The following MPHOSPH9 variants were observed in gnomAD, a reference collection of about 807,000 sequenced individuals.
MPHOSPH9 encodes M-phase phosphoprotein 9.
A neutral mutation model predicts 145.5 loss-of-function variants in MPHOSPH9; 88 were observed. That is an observed-to-expected ratio of 0.60 (90% CI 0.51 to 0.72). MPHOSPH9 has a LOEUF of 0.72. Ranked by LOEUF, MPHOSPH9 falls within the 30% of genes least tolerant of loss-of-function variation. The pLI, the probability that MPHOSPH9 is intolerant of heterozygous loss-of-function variation, is 0.00. For synonymous variants in MPHOSPH9, 435 were observed against 486.2 expected (o/e 0.89, Z 1.39); for missense variants, 1,238 against 1,386.6 (o/e 0.89, Z 1.70).
At chr12:123,227,734 G>T in intron 2 of MPHOSPH9, 118 bp from the exon 3 acceptor site, 1 of 822,118 alleles carries the variant, frequency 1.2e-6, no homozygotes, top group Non-Finnish European at 1.7e-6. Context: ...CCTTCTAATG[G>T]CACCTCATTT....
chr12:123,178,520 A>G (rs535291388), intron 15 of MPHOSPH9, among the ~76,000 whole-genome samples: 2 of 151,634 alleles, frequency 1.3e-5, no homozygotes, highest in African/African-American at 2.4e-5. Context: ...TCTCTTTTCT[A>G]TCTTTCATTT....
rs111662560 is a variant in MPHOSPH9, at chr12:123,202,037, C to T, written c.1937+127G>A. 215 of 1,049,148 alleles carry T rather than the reference C, an allele frequency of 2.0e-4. 3 individuals carry two copies. The African/African-American group carries it at 2.8e-3, about 14-fold the overall frequency. 65.0% of individuals were successfully genotyped at this position (1,049,148 alleles called of 1,614,324 possible). ...AGAGGGGGGTTTAGCTTCAAAAATA[C>T]TTAGGCAAACATGACTGTTAAAATT... is the stretch of plus-strand genomic sequence containing the variant. On this transcript the variant is annotated intron_variant, in intron 11 of 23. Transcript: ENST00000606320.
In MPHOSPH9 at chr12:123,203,027, G is replaced by C. The variant is rs140266767; in HGVS notation, c.1378C>G (p.Gln460Glu). ...MKPKQQISGI[Q>E]PHGLPNALDD... ...AGGGCATTCGGAAGGCCGTGAGGTTGAATCCCTGAAATCTGCTGCTTTGGC... is the reference window on the plus strand; with the variant it reads ...AGGGCATTCGGAAGGCCGTGAGGTTCAATCCCTGAAATCTGCTGCTTTGGC... Residue 460 changes from glutamine to glutamate, a missense_variant, in exon 10 of 24, where the codon CAA becomes GAA. Coordinates refer to ENST00000606320, the MANE Select transcript of MPHOSPH9 (RefSeq NM_022782.4). The C allele has an allele frequency of 7.4e-6, 12 of 1,614,084 alleles. No homozygotes were observed. Among genetic ancestry groups the C allele is most frequent in the African/African-American group, 1.3e-5 (1 of 74,936 alleles).
At chr12:123,237,626 C>G (rs927147941), upstream of MPHOSPH9, among the ~76,000 whole-genome samples, 16 of 152,174 alleles carry the variant, frequency 1.1e-4, no homozygotes, top group Non-Finnish European at 2.4e-4. Flanking sequence ...ATTTCCTGCT[C>G]AATCTATTAT....
At chr12:123,181,871 C>T (rs975237208) in intron 13 of MPHOSPH9, among the ~76,000 whole-genome samples, 1 of 152,058 alleles carries the variant, frequency 6.6e-6, no homozygotes, top group Admixed American at 6.6e-5. Flanking sequence ...GGCCACAGAG[C>T]GAGACCCTGT....
chr12:123,189,145 T>C lies in MPHOSPH9; in HGVS notation c.2241+5241A>G, dbSNP rs554488477. 1.1e-4 allele frequency among the ~76,000 whole-genome samples: 17 copies of C among 152,312 alleles called. No individual in the cohort carries two copies. In the South Asian group the frequency reaches 2.7e-3, roughly 24 times the overall value. On this transcript the variant is annotated intron_variant, in intron 13 of 23. Transcript: ENST00000606320. ...GCTCTTTCAGGACTCTTGTCCTTAG[T>C]AGTAAGCCATCATGTTGCAAAGAAA...
At position 123,181,223 on chromosome 12, in the gene MPHOSPH9, AC is replaced by A; in HGVS notation, c.2242-14del. 1 of 1,608,360 alleles carries A rather than the reference AC, an allele frequency of 6.2e-7. No homozygotes were observed. Among genetic ancestry groups the A allele is most frequent in the Non-Finnish European group, 8.5e-7 (1 of 1,176,264 alleles). ...ACTCTCCTAAAAGCTACAAGGAAAA[AC>A]AAAAAAAAATTATACCACAAAATTA... is the stretch of plus-strand genomic sequence containing the variant. On this transcript the variant is annotated splice_polypyrimidine_tract_variant and intron_variant, in intron 13 of 23. Transcript: ENST00000606320.
Position 123,203,030 on chromosome 12 carries a change from T to G in MPHOSPH9, c.1375A>C (p.Ile459Leu), listed in dbSNP as rs780626600. Residue 459 changes from isoleucine to leucine, a missense_variant, in exon 10 of 24, where the codon ATT becomes CTT. Coordinates refer to ENST00000606320, the MANE Select transcript of MPHOSPH9 (RefSeq NM_022782.4). ...GCATTCGGAAGGCCGTGAGGTTGAA[T>G]CCCTGAAATCTGCTGCTTTGGCTTC... is the stretch of plus-strand genomic sequence containing the variant. Reference protein sequence around the residue: ...HMKPKQQISGIQPHGLPNALD... With the variant: ...HMKPKQQISGLQPHGLPNALD... The G allele has an allele frequency of 1.2e-6, 2 of 1,614,064 alleles. No individual in the cohort carries two copies. The highest frequency in any genetic ancestry group is 1.7e-6 in the Non-Finnish European group (2 of 1,180,040).
At chr12:123,198,185 G>T in intron 12 of MPHOSPH9, 62 bp downstream of exon 12, 2 of 1,212,074 alleles carry the variant, frequency 1.7e-6, no homozygotes, top group Admixed American at 2.0e-5. Context: ...AAACATAACT[G>T]ATGTTATCAC....
In MPHOSPH9 at chr12:123,184,055, A is replaced by G. The variant is rs2045326468; in HGVS notation, c.2242-2845T>C. Among the ~76,000 whole-genome samples, 4 of 152,022 alleles carry G rather than the reference A, an allele frequency of 2.6e-5. No individual in the cohort carries two copies. In the South Asian group the frequency reaches 8.3e-4, roughly 32 times the overall value. ...ACCCCATCTCTACAAAAAATTTAAA[A>G]ATTAGCCAGGTCTGGTGGCATGTGC... On this transcript the variant is annotated intron_variant, in intron 13 of 23. Transcript: ENST00000606320.
intron 7 of MPHOSPH9, 150 bp from the exon 8 acceptor site, chr12:123,210,312 A>G: frequency 2.1e-6 from 1 of 486,182 alleles, no homozygotes; most frequent in South Asian, 3.7e-5. Flanking sequence ...AAAGTTATCT[A>G]AATTCCTTAT....
chr12:123,175,156 T>C (rs918272454), intron 16 of MPHOSPH9, among the ~76,000 whole-genome samples: 3 of 152,048 alleles, frequency 2.0e-5, no homozygotes, highest in Non-Finnish European at 4.4e-5. Context: ...ATCTAACTTT[T>C]TTTTTTTTTT....
At chr12:123,235,531 A>AT (rs538804885), upstream of MPHOSPH9, among the ~76,000 whole-genome samples, 289 of 141,244 alleles carry the variant, frequency 2.0e-3, 2 homozygotes, top group African/African-American at 3.2e-3. Flanking sequence ...GGCCCAGCTA[A>AT]TTTTTTTTTT....
chr12:123,208,684 C>G (rs1565952762), intron 8 of MPHOSPH9, among the ~76,000 whole-genome samples: 1 of 151,894 alleles, frequency 6.6e-6, no homozygotes, highest in Non-Finnish European at 1.5e-5. Flanking sequence ...AGCTGAGGAC[C>G]TACTACATAT....
chr12:123,184,730 C>G (rs781583283), intron 13 of MPHOSPH9, among the ~76,000 whole-genome samples: 36 of 151,974 alleles, frequency 2.4e-4, no homozygotes, highest in Non-Finnish European at 4.7e-4. Context: ...CATCTCCTGA[C>G]CTTGTGATCT....
chr12:123,194,446 A>C lies in MPHOSPH9; in HGVS notation c.2181T>G (p.Ala727=). Residue 727 remains alanine, a synonymous_variant, in exon 13 of 24, where the codon GCT becomes GCG. Coordinates refer to ENST00000606320, the MANE Select transcript of MPHOSPH9 (RefSeq NM_022782.4). ...LQDLEEAFEN[A]YKLSDDKEAQ... is the part of the protein sequence containing the mutation. ...CTTCTTTATCATCTGAGAGTTTGTA[A>C]GCATTCTCAAATGCTTCTTCTAAAT... is the stretch of plus-strand genomic sequence containing the variant. 1 of 1,609,898 alleles carries C rather than the reference A, an allele frequency of 6.2e-7. No individual in the cohort carries two copies. Among genetic ancestry groups the C allele is most frequent in the Non-Finnish European group, 8.5e-7 (1 of 1,178,656 alleles).
At chr12:123,169,141 C>T (rs1488359714) in intron 16 of MPHOSPH9, among the ~76,000 whole-genome samples, 1 of 151,622 alleles carries the variant, frequency 6.6e-6, no homozygotes, top group East Asian at 2.0e-4. Flanking sequence ...CCCACCTTGG[C>T]CTCCCAAAGT....
At chr12:123,200,914 C>T (rs1286855067) in intron 11 of MPHOSPH9, among the ~76,000 whole-genome samples, 1 of 152,104 alleles carries the variant, frequency 6.6e-6, no homozygotes, top group East Asian at 1.9e-4. Flanking sequence ...CTGCCTCGGC[C>T]TCCCAAACTG....
chr12:123,241,141 GT>G (rs869070643), intron 1 of MPHOSPH9, among the ~76,000 whole-genome samples: 2 of 148,736 alleles, frequency 1.3e-5, no homozygotes, highest in African/African-American at 5.0e-5. Context: ...ATTTGGGGTT[GT>G]TTTTTTTTTG....
Sources: gnomAD v4.1 joint callset for allele counts (sites outside exome capture counted in the v4.1 genomes callset) on GRCh38, gnomAD v4.1.1 for gene constraint, MANE v1.5 for transcripts, NCBI Gene and HGNC (gene_info 2026-07-23, HGNC 2026-07-21) for gene names.